CHRM3: variants seen among roughly 807,000 people sequenced by gnomAD.
CHRM3 encodes the protein muscarinic acetylcholine receptor M3.
Under a neutral mutation model 41.8 loss-of-function variants are expected in CHRM3, and 11 were observed. That is an observed-to-expected ratio of 0.26 (90% CI 0.17 to 0.44). CHRM3 has a LOEUF of 0.44. Ranked by LOEUF, CHRM3 falls within the 20% of genes least tolerant of loss-of-function variation. The pLI is 1.00. For synonymous variants in CHRM3, 297 were observed against 301.4 expected (o/e 0.99, Z 0.15); for missense variants, 571 against 745.4 (o/e 0.77, Z 2.72).
In CHRM3 at chr1:239,769,510, AAG is replaced by A. The variant is rs1166188020; in HGVS notation, c.-146-57739_-146-57738del. ...AGTTGTATAAGCACTGTGTTCCCAA[AAG>A]AGTCGTGACATTTTGCCATTGACTT... is the stretch of plus-strand genomic sequence containing the variant. On this transcript the variant is annotated intron_variant, in intron 5 of 6. Transcript: ENST00000676153. Among the ~76,000 whole-genome samples the A allele has an allele frequency of 2.6e-5, 4 of 152,176 alleles. No homozygotes were observed. In the East Asian group the frequency reaches 7.7e-4, roughly 29 times the overall value.
At position 239,772,223 on chromosome 1, in the gene CHRM3, T is replaced by C. The variant is rs11807157; in HGVS notation, c.-146-55029T>C. Among the ~76,000 whole-genome samples the C allele has an allele frequency of 6.6e-3, 1,002 of 152,242 alleles. 14 individuals are homozygous for C. The highest frequency in any genetic ancestry group is 0.023 in the African/African-American group (962 of 41,536). ...TGAAGTGCAATGGCGCAATCTCAGC[T>C]CATTGTAACCTCTGCCTCCCGGGTT... On this transcript the variant is annotated intron_variant, in intron 5 of 6. Transcript: ENST00000676153.
chr1:239,567,394 A>G (rs1198410046), intron 3 of CHRM3, among the ~76,000 whole-genome samples: 3 of 151,914 alleles, frequency 2.0e-5, no homozygotes, highest in Non-Finnish European at 2.9e-5. Context: ...ATAACATCCT[A>G]TGTGATGCAG....
chr1:239,480,988 T>C (rs1038336710), intron 1 of CHRM3, among the ~76,000 whole-genome samples: 1 of 152,148 alleles, frequency 6.6e-6, no homozygotes, highest in Non-Finnish European at 1.5e-5. Context: ...ATAAATAAGA[T>C]TTTAACATTA....
chr1:239,620,054 C>A (rs1218540355), intron 3 of CHRM3, among the ~76,000 whole-genome samples: 2 of 152,044 alleles, frequency 1.3e-5, no homozygotes, highest in Admixed American at 1.3e-4. Flanking sequence ...ATTTTTTGAA[C>A]TTTAAAAATT....
intron 3 of CHRM3, among the ~76,000 whole-genome samples, chr1:239,612,130 G>A (rs747444139): frequency 3.3e-5 from 5 of 152,048 alleles, no homozygotes; most frequent in East Asian, 1.9e-4. Flanking sequence ...GAAGCACCAC[G>A]CCTTTTTTTG....
In CHRM3 at chr1:239,759,185, T is replaced by G. The variant is rs533234313; in HGVS notation, c.-146-68067T>G. Among the ~76,000 whole-genome samples the G allele has an allele frequency of 3.7e-5, 5 of 134,256 alleles. 1 individual carries two copies. The East Asian group carries it at 1.3e-3, about 35-fold the overall frequency. 88.1% of individuals were successfully genotyped at this position (134,256 alleles called of 152,430 possible). ...TTTTTTTTTGTTTTTTTTTTTTGTT[T>G]TTTTTTTTTTTAGAGAGAGGCTTAT... On this transcript the variant is annotated intron_variant, in intron 5 of 6. Transcript: ENST00000676153.
At chr1:239,805,900 G>GT (rs1346352983) in intron 5 of CHRM3, among the ~76,000 whole-genome samples, 1 of 152,074 alleles carries the variant, frequency 6.6e-6, no homozygotes, top group South Asian at 2.1e-4. Context: ...TTCTAAAGAG[G>GT]TTTGCTTTCA....
chr1:239,761,303 TTGTG>T (rs1234856853), intron 5 of CHRM3, among the ~76,000 whole-genome samples: 1 of 152,130 alleles, frequency 6.6e-6, no homozygotes, highest in Non-Finnish European at 1.5e-5. Flanking sequence ...TAGAGAGAGA[TTGTG>T]TGTGTGTATA....
chr1:239,393,040 G>T (rs1456709648), intron 1 of CHRM3, among the ~76,000 whole-genome samples: 1 of 152,132 alleles, frequency 6.6e-6, no homozygotes, highest in African/African-American at 2.4e-5. Flanking sequence ...TACACCTGTA[G>T]TCCCAGGTAC....
chr1:239,726,486 G>A (rs1193784600), intron 5 of CHRM3, among the ~76,000 whole-genome samples: 6 of 151,660 alleles, frequency 4.0e-5, no homozygotes, highest in South Asian at 2.1e-4. Context: ...CATTTGCCTC[G>A]TGGCTGGGTT....
chr1:239,466,054 C>T (rs796274735), intron 1 of CHRM3, among the ~76,000 whole-genome samples: 2 of 152,230 alleles, frequency 1.3e-5, no homozygotes, highest in African/African-American at 2.4e-5. Context: ...AGAGCAATGG[C>T]GTGATCTCCG....
At chr1:239,644,298 A>G (rs1671532012) in intron 4 of CHRM3, among the ~76,000 whole-genome samples, 1 of 152,094 alleles carries the variant, frequency 6.6e-6, no homozygotes, top group African/African-American at 2.4e-5. Flanking sequence ...ACTAGGGACA[A>G]AAGTGCAATT....
intron 6 of CHRM3, among the ~76,000 whole-genome samples, chr1:239,871,394 A>C (rs1227328829): frequency 1.3e-5 from 2 of 152,098 alleles, no homozygotes; most frequent in East Asian, 3.9e-4. Context: ...GGCATGCGCC[A>C]GCATGCCCAG....
At chr1:239,659,368 T>A (rs1027123043) in intron 4 of CHRM3, among the ~76,000 whole-genome samples, 5 of 152,138 alleles carry the variant, frequency 3.3e-5, no homozygotes. Flanking sequence ...TGGATTTATA[T>A]GGGTAAACTC....
At chr1:239,494,287 C>A (rs1293614637) in intron 2 of CHRM3, among the ~76,000 whole-genome samples, 1 of 152,066 alleles carries the variant, frequency 6.6e-6, no homozygotes, top group African/African-American at 2.4e-5. Flanking sequence ...TCATTGCCGT[C>A]TGCTGGTTCC....
At chr1:239,464,334 T>C (rs1410933712) in intron 1 of CHRM3, among the ~76,000 whole-genome samples, 1 of 149,886 alleles carries the variant, frequency 6.7e-6, no homozygotes, top group African/African-American at 2.5e-5. Flanking sequence ...ACAAATAGAA[T>C]CTAAGAACAT....
chr1:239,618,277 C>T (rs11808045), intron 3 of CHRM3, among the ~76,000 whole-genome samples: 57,127 of 120,056 alleles, frequency 0.48, 15,089 homozygotes, highest in African/African-American at 0.76. Context: ...TTTTTTCTTT[C>T]TTTTTTTTTT....
At chr1:239,882,556 G>A (rs1677732633) in intron 6 of CHRM3, among the ~76,000 whole-genome samples, 1 of 152,188 alleles carries the variant, frequency 6.6e-6, no homozygotes, top group Admixed American at 6.5e-5. Context: ...ATAACAGAGA[G>A]ATGCAGGAAG....
intron 1 of CHRM3, among the ~76,000 whole-genome samples, chr1:239,431,925 T>C (rs1257655789): frequency 6.6e-6 from 1 of 152,184 alleles, no homozygotes; most frequent in African/African-American, 2.4e-5. Flanking sequence ...TAATAAGTTG[T>C]ACAACCCCAG....
Sources: allele counts gnomAD v4.1 joint callset (sites outside exome capture counted in the v4.1 genomes callset), GRCh38; gene constraint gnomAD v4.1.1; transcripts MANE v1.5; gene names NCBI Gene and HGNC (gene_info 2026-07-23, HGNC 2026-07-21).